The following PITPNM2 variants were observed in gnomAD, a reference collection of about 807,000 sequenced individuals.
PITPNM2 encodes phosphatidylinositol transfer protein membrane associated 2.
PITPNM2 carries 35 observed loss-of-function variants against 132.2 expected under a neutral mutation model. That is an observed-to-expected ratio of 0.26 (90% CI 0.20 to 0.35). PITPNM2 has a LOEUF of 0.35. Ranked by LOEUF, PITPNM2 falls within the 10% of genes least tolerant of loss-of-function variation. PITPNM2 has a pLI of 1.00. For synonymous variants in PITPNM2, 738 were observed against 799.2 expected, an observed-to-expected ratio of 0.92 and a Z score of 1.29; for missense variants, 1,332 against 1,912.0, an observed-to-expected ratio of 0.70 and a Z score of 5.66.
At chr12:123,014,512 T>A (rs181475722) in intron 3 of PITPNM2, among the ~76,000 whole-genome samples, 4 of 152,210 alleles carry the variant, frequency 2.6e-5, no homozygotes, top group Non-Finnish European at 4.4e-5. Context: ...GAGACCAGCC[T>A]GGGCAACATG....
rs2137290552 is a variant in PITPNM2 at position 123,106,722 on chromosome 12, A to C, written c.-96+3663T>G. The stretch of plus-strand genomic sequence containing the variant: ...CTACCAAGCTCTGTGGGGACAGCAA[A>C]GGAGCTGAGGAGGAGCTCTCTGTGG... On this transcript the variant is annotated intron_variant, in intron 2 of 25. Transcript: ENST00000320201. The surrounding 1 kb of genome is among the most constrained non-coding windows in gnomAD (Gnocchi z 4.4). Among the ~76,000 whole-genome samples the C allele has an allele frequency of 6.6e-6, 1 of 152,340 alleles. No individual in the cohort carries two copies. Among genetic ancestry groups the C allele is most frequent in the East Asian group, 1.9e-4 (1 of 5,182 alleles).
intron 1 of PITPNM2, among the ~76,000 whole-genome samples, chr12:123,140,566 T>C (rs972516119): frequency 6.6e-6 from 1 of 151,732 alleles, no homozygotes; most frequent in Non-Finnish European, 1.5e-5. Context: ...TTTAAAAAAA[T>C]CCCCTGCCCC....
intron 1 of PITPNM2, among the ~76,000 whole-genome samples, chr12:123,127,613 T>TC (rs200785746): frequency 3.3e-5 from 5 of 149,466 alleles, no homozygotes; most frequent in African/African-American, 7.3e-5. Flanking sequence ...TTTCTTTCTT[T>TC]TTTTTTTTTT....
rs926067054 is a variant in PITPNM2 at position 123,001,113 on chromosome 12, T to A, written c.1094A>T (p.Lys365Met). Reference sequence around the variant, plus strand: ...GTCCATGAGGTCATTGGAGCTCCACTTGGTGATGTCCTTGGGGAACATTTC... The same window carrying A: ...GTCCATGAGGTCATTGGAGCTCCACATGGTGATGTCCTTGGGGAACATTTC... The part of the protein sequence containing the change: ...TEEMFPKDIT[K>M]WSSNDLMDKI... Residue 365 changes from lysine to methionine, a missense_variant, in exon 9 of 26, where the codon AAG (lysine) becomes ATG (methionine). Transcript: ENST00000320201. 6.2e-7 allele frequency: 1 copy of A among 1,614,208 alleles called. No homozygotes were observed. The highest frequency in any genetic ancestry group is 8.5e-7 in the Non-Finnish European group (1 of 1,180,038).
intron 1 of PITPNM2, among the ~76,000 whole-genome samples, chr12:123,141,748 T>C (rs866904468): frequency 6.6e-6 from 1 of 152,160 alleles, no homozygotes; most frequent in African/African-American, 2.4e-5. Flanking sequence ...CCAGATTTTA[T>C]GAGCCGGCCT....
chr12:123,008,374 G>A lies in PITPNM2; in HGVS notation c.643+1476C>T, dbSNP rs531878206. Among the ~76,000 whole-genome samples, 8 of 152,328 alleles carry A rather than the reference G, an allele frequency of 5.3e-5. No homozygotes were observed. In the South Asian group the frequency reaches 1.4e-3, roughly 28 times the overall value. On this transcript the variant is annotated intron_variant, in intron 6 of 25. Transcript: ENST00000320201. The surrounding 1 kb of genome is among the most constrained non-coding windows in gnomAD (Gnocchi z 4.1). Reference sequence around the variant, plus strand: ...AAGCCTTGAGGAGAGGGTGGGACGAGTCACCAGCGCTGATGTGTTCAGGTT... The same window carrying A: ...AAGCCTTGAGGAGAGGGTGGGACGAATCACCAGCGCTGATGTGTTCAGGTT...
intron 2 of PITPNM2, among the ~76,000 whole-genome samples, chr12:123,074,423 C>T (rs1028302902): frequency 6.6e-6 from 1 of 152,076 alleles, no homozygotes; most frequent in Non-Finnish European, 1.5e-5. Flanking sequence ...CCCATAGGCA[C>T]ACACAGGCAC....
At chr12:123,015,270 A>G (rs908352945) in intron 3 of PITPNM2, among the ~76,000 whole-genome samples, 8 of 152,236 alleles carry the variant, frequency 5.3e-5, no homozygotes, top group African/African-American at 1.9e-4. Context: ...GAGGACTCAC[A>G]CTTCCCTATA....
At chr12:123,107,538 G>A (rs1446547736) in intron 2 of PITPNM2, among the ~76,000 whole-genome samples, 2 of 152,142 alleles carry the variant, frequency 1.3e-5, no homozygotes, top group African/African-American at 4.8e-5. Context: ...ATAAACCCTG[G>A]TCCTTGAGCC....
chr12:123,149,728 T>G (rs1483191198), intron 1 of PITPNM2: 1 of 150,792 alleles, frequency 6.6e-6, no homozygotes, highest in Non-Finnish European at 1.5e-5. Context: ...CAGAGAGGAG[T>G]CTGGGGGATG....
intron 1 of PITPNM2, among the ~76,000 whole-genome samples, chr12:123,125,310 T>C (rs1220584967): frequency 6.6e-6 from 1 of 152,004 alleles, no homozygotes; most frequent in Non-Finnish European, 1.5e-5. Context: ...TCCTAGAAAA[T>C]TGTGAGTCTT....
At chr12:123,006,642 G>GT (rs1047868542) in intron 6 of PITPNM2, among the ~76,000 whole-genome samples, 2 of 151,372 alleles carry the variant, frequency 1.3e-5, no homozygotes, top group African/African-American at 4.9e-5. Context: ...GAGCCCAGGA[G>GT]TTTAAGGCTG....
intron 1 of PITPNM2, among the ~76,000 whole-genome samples, chr12:123,118,574 T>C (rs571586223): frequency 1.3e-5 from 2 of 152,244 alleles, no homozygotes; most frequent in East Asian, 3.9e-4. Flanking sequence ...TAGTTCATGA[T>C]GAGAAACAGA....
intron 2 of PITPNM2, among the ~76,000 whole-genome samples, chr12:123,065,167 C>T (rs1592985694): frequency 6.6e-6 from 1 of 152,242 alleles, no homozygotes; most frequent in African/African-American, 2.4e-5. Context: ...GCTGCCTCAT[C>T]GGTCTGTGAG....
intron 2 of PITPNM2, among the ~76,000 whole-genome samples, chr12:123,109,062 C>T (rs1433868612): frequency 6.6e-6 from 1 of 152,200 alleles, no homozygotes; most frequent in Non-Finnish European, 1.5e-5. Flanking sequence ...GGGACCCTAA[C>T]AGGCACTGCT....
chr12:123,002,140 C>A (rs1397866193), intron 8 of PITPNM2, among the ~76,000 whole-genome samples: 1 of 151,058 alleles, frequency 6.6e-6, no homozygotes, highest in Non-Finnish European at 1.5e-5. Flanking sequence ...GAATTCAAGA[C>A]CAGCCTGGCC....
At chr12:123,098,381 C>T (rs2042465138) in intron 2 of PITPNM2, among the ~76,000 whole-genome samples, 1 of 152,046 alleles carries the variant, frequency 6.6e-6, no homozygotes, top group African/African-American at 2.4e-5. Context: ...AGCCAGAGCC[C>T]TATCATAGGA....
chr12:123,109,847 A>T (rs2042799627), intron 2 of PITPNM2, among the ~76,000 whole-genome samples: 2 of 152,380 alleles, frequency 1.3e-5, no homozygotes, highest in South Asian at 2.1e-4. Flanking sequence ...TGGAATCGAA[A>T]GCTACCAGAG....
At chr12:123,074,419 G>A (rs963219057) in intron 2 of PITPNM2, among the ~76,000 whole-genome samples, 1 of 151,850 alleles carries the variant, frequency 6.6e-6, no homozygotes, top group Non-Finnish European at 1.5e-5. Flanking sequence ...ATACCCCATA[G>A]GCACACACAG....
Sources: gnomAD v4.1 joint callset for allele counts (sites outside exome capture counted in the v4.1 genomes callset) on GRCh38, gnomAD v4.1.1 for gene constraint, Gnocchi (gnomAD v3.1) non-coding constraint, MANE v1.5 for transcripts, NCBI Gene and HGNC (gene_info 2026-07-23, HGNC 2026-07-21) for gene names.